Variants in HORMAD2 observed in about 807,000 individuals in gnomAD.
HORMAD2 encodes the protein HORMA domain containing 2, also known as HORMA domain-containing protein 2.
In HORMAD2, 45 loss-of-function variants were observed where a neutral mutation model predicts 38.8. The ratio of observed to expected loss-of-function variants is 1.16; its 90% confidence interval spans 0.91 to 1.49. The LOEUF (loss-of-function observed/expected upper bound fraction) is 1.49. Ranked by LOEUF, HORMAD2 falls within the 40% of genes most tolerant of loss-of-function variation. HORMAD2 has a pLI of 0.00. For missense variants in HORMAD2, 338 were observed against 367.0 expected (o/e 0.92, Z 0.65); for synonymous variants, 126 against 122.8 (o/e 1.03, Z -0.17).
downstream of HORMAD2, among the ~76,000 whole-genome samples, chr22:30,179,174 A>G (rs10483158): frequency 0.1 from 15,408 of 152,190 alleles, 821 homozygotes; most frequent in South Asian, 0.18. Context: ...ACTTCCACAA[A>G]ATATTATAAT....
the HORMAD2 span, among the ~76,000 whole-genome samples, chr22:30,204,097 T>C: frequency 6.6e-6 from 1 of 152,160 alleles, no homozygotes; most frequent in Non-Finnish European, 1.5e-5. Context: ...CTGATGCTTC[T>C]CCCAGAGTTA....
chr22:30,099,290 G>A (rs1172553342), intron 3 of HORMAD2, among the ~76,000 whole-genome samples: 3 of 152,196 alleles, frequency 2.0e-5, no homozygotes, highest in Admixed American at 6.5e-5. Flanking sequence ...GTAGATTTGC[G>A]CTACGTTGTG....
the HORMAD2 span, among the ~76,000 whole-genome samples, chr22:30,183,887 A>G: frequency 7.9e-5 from 12 of 152,344 alleles, no homozygotes; most frequent in Non-Finnish European, 1.3e-4. Context: ...GGCATTAGCC[A>G]GTGGGCAGAT....
intron 5 of HORMAD2, among the ~76,000 whole-genome samples, chr22:30,108,829 G>C (rs1921403984): frequency 6.6e-6 from 1 of 152,098 alleles, no homozygotes; most frequent in African/African-American, 2.4e-5. Context: ...TAATCAAAAT[G>C]GCCACACAGT....
intron 10 of HORMAD2, chr22:30,136,901 C>A: frequency 4.2e-6 from 2 of 471,702 alleles, no homozygotes; most frequent in South Asian, 2.8e-5. Flanking sequence ...TGTCTGGAAT[C>A]AATTTATTGA....
rs370731581 is a variant in HORMAD2 at position 30,158,473 on chromosome 22, CTTTTCTTTTCTT to C, written c.820-17576_820-17565del. On this transcript the variant is annotated intron_variant, in intron 10 of 10. Coordinates refer to ENST00000336726, the MANE Select transcript of HORMAD2 (RefSeq NM_152510.4). ...CACTCTTTCTTTCCTTTCTTTCTTT[CTTTTCTTTTCTT>C]TTTTCTTTTCTTTCTTTCCTTCTTT... 4.6e-3 allele frequency among the ~76,000 whole-genome samples: 703 copies of C among 151,752 alleles called. 7 individuals carry two copies. The highest frequency in any genetic ancestry group is 0.016 in the African/African-American group (661 of 41,298).
chr22:30,084,171 C>T (rs139682012), intron 1 of HORMAD2, among the ~76,000 whole-genome samples: 1 of 152,202 alleles, frequency 6.6e-6, no homozygotes, highest in African/African-American at 2.4e-5. Flanking sequence ...GGCTGGGTAA[C>T]TAAAAAGAGC....
At chr22:30,135,517 A>C (rs1351055678) in intron 10 of HORMAD2, among the ~76,000 whole-genome samples, 2 of 152,026 alleles carry the variant, frequency 1.3e-5, no homozygotes, top group Non-Finnish European at 2.9e-5. Flanking sequence ...AGAGAAGGAG[A>C]TCCAGAAATC....
chr22:30,126,561 A>G lies in HORMAD2; in HGVS notation c.819+4347A>G, dbSNP rs1922881259. On this transcript the variant is annotated intron_variant, in intron 10 of 10. Coordinates refer to ENST00000336726, the MANE Select transcript of HORMAD2 (RefSeq NM_152510.4). ...ACCATCCTGACAATTTATTCATTCT[A>G]TTGTTAATGACAATTTATTCATTCT... is the stretch of plus-strand genomic sequence containing the variant. 1.3e-5 allele frequency among the ~76,000 whole-genome samples: 2 copies of G among 152,116 alleles called. 1 individual carries two copies. The highest frequency in any genetic ancestry group is 2.9e-5 in the Non-Finnish European group (2 of 68,000).
chr22:30,102,804 AT>A (rs902593300), intron 3 of HORMAD2, among the ~76,000 whole-genome samples: 2 of 151,748 alleles, frequency 1.3e-5, no homozygotes, highest in South Asian at 2.1e-4. Flanking sequence ...TTTTTTAATT[AT>A]TTTTTTTAGA....
At chr22:30,125,183 T>C (rs1902893695) in intron 10 of HORMAD2, among the ~76,000 whole-genome samples, 1 of 151,206 alleles carries the variant, frequency 6.6e-6, no homozygotes, top group South Asian at 2.1e-4. Context: ...TTTTTCATGT[T>C]TGTGGCTCAT....
chr22:30,205,777 A>T, the HORMAD2 span, among the ~76,000 whole-genome samples: 1 of 152,236 alleles, frequency 6.6e-6, no homozygotes, highest in East Asian at 1.9e-4. Context: ...GGACCGGAAA[A>T]GCCGCTGCCC....
At chr22:30,178,250 T>A (rs1488054741), downstream of HORMAD2, among the ~76,000 whole-genome samples, 1 of 152,248 alleles carries the variant, frequency 6.6e-6, no homozygotes, top group East Asian at 1.9e-4. Context: ...ATCCTTTAAG[T>A]CAAAGTCTCA....
the HORMAD2 span, among the ~76,000 whole-genome samples, chr22:30,201,434 T>TC: frequency 3.1e-5 from 4 of 131,060 alleles, no homozygotes; most frequent in African/African-American, 1.4e-4. Context: ...TTTTTTTTTT[T>TC]CCAAGACGGA....
intron 10 of HORMAD2, among the ~76,000 whole-genome samples, chr22:30,158,021 A>G (rs1925190552): frequency 6.6e-6 from 1 of 152,104 alleles, no homozygotes; most frequent in South Asian, 2.1e-4. Context: ...GTAATATTCC[A>G]TGTGAACCTG....
intron 10 of HORMAD2, among the ~76,000 whole-genome samples, chr22:30,173,069 G>A (rs1425409683): frequency 6.6e-6 from 1 of 152,162 alleles, no homozygotes; most frequent in East Asian, 1.9e-4. Context: ...TGAACCAAAT[G>A]AAGAAGAGAG....
chr22:30,146,899 T>G (rs1924454335), intron 10 of HORMAD2, among the ~76,000 whole-genome samples: 1 of 152,126 alleles, frequency 6.6e-6, no homozygotes, highest in South Asian at 2.1e-4. Context: ...CTCTATATTA[T>G]AAATGAAAAA....
At chr22:30,164,253 T>C (rs1925637293) in intron 10 of HORMAD2, among the ~76,000 whole-genome samples, 2 of 152,380 alleles carry the variant, frequency 1.3e-5, no homozygotes, top group South Asian at 4.1e-4. Context: ...AACGCTGCTA[T>C]GAACATGGGT....
upstream of HORMAD2, among the ~76,000 whole-genome samples, chr22:30,079,860 T>G (rs1243149991): frequency 6.6e-6 from 1 of 152,052 alleles, no homozygotes; most frequent in Non-Finnish European, 1.5e-5. Flanking sequence ...TTGTATTTTT[T>G]GTAGAGACGG....
Sources: allele counts gnomAD v4.1 joint callset (sites outside exome capture counted in the v4.1 genomes callset), GRCh38; gene constraint gnomAD v4.1.1; transcripts MANE v1.5; gene names NCBI Gene and HGNC (gene_info 2026-07-23, HGNC 2026-07-21).